Variants in BOC observed in about 807,000 individuals in gnomAD.
The protein encoded by BOC is BOC cell adhesion associated, oncogene regulated.
In BOC, 76 loss-of-function variants were observed where a neutral mutation model predicts 112.0. That is an observed-to-expected ratio of 0.68 (90% confidence interval 0.56 to 0.82). The LOEUF (loss-of-function observed/expected upper bound fraction) is 0.82. Among genes scored for constraint, BOC ranks in the 40% least tolerant of loss-of-function variants. The probability of loss-of-function intolerance (pLI) is 0.00; values close to 1 mark genes in which losing one functional copy is unlikely to be tolerated. For synonymous variants in BOC, 580 were observed against 599.8 expected, an observed-to-expected ratio of 0.97 and a Z score of 0.48; for missense variants, 1,309 against 1,511.7, an observed-to-expected ratio of 0.87 and a Z score of 2.22.
intron 6 of BOC, chr3:113,271,362 C>A: frequency 5.2e-6 from 2 of 386,714 alleles, no homozygotes; most frequent in Middle Eastern, 3.7e-4. Flanking sequence ...CCTGGGCCTG[C>A]ACTCTCTGCA....
At position 113,285,005 on chromosome 3, in the gene BOC, T is replaced by C. The variant is rs781126537; in HGVS notation, c.2966+147T>C. ...CTGACAATCATGCTCCTCTGAACCA[T>C]TGCCCTAATAGGCAGTTGTTGCATT... On this transcript the variant is annotated intron_variant, in intron 18 of 19. Coordinates refer to ENST00000682979, the MANE Select transcript of BOC (RefSeq NM_001378074.1). 100 of 719,222 alleles carry C rather than the reference T, an allele frequency of 1.4e-4. No individual in the cohort carries two copies. The Admixed American group carries it at 1.9e-3, about 14-fold the overall frequency. 44.6% of individuals were successfully genotyped at this position (719,222 alleles called of 1,614,324 possible).
At chr3:113,214,849 A>T (rs553408181) in intron 1 of BOC, among the ~76,000 whole-genome samples, 1 of 152,372 alleles carries the variant, frequency 6.6e-6, no homozygotes, top group South Asian at 2.1e-4. Context: ...TTGTCCCAGG[A>T]AAGTAAGCTT....
Position 113,278,974 on chromosome 3 carries a change from A to G in BOC, c.1816+191A>G. ...GCTGGCATTGATGCTGGGATTGCTC[A>G]CTGGGTGCATCCAGAGAGCAGCAGA... On this transcript the variant is annotated intron_variant, in intron 11 of 19. Coordinates refer to ENST00000682979, the MANE Select transcript of BOC (RefSeq NM_001378074.1). The surrounding 1 kb of genome is among the most constrained non-coding windows in gnomAD (Gnocchi z 4.2). The G allele has an allele frequency of 1.5e-6, 1 of 646,578 alleles. No individual in the cohort carries two copies. Among genetic ancestry groups the G allele is most frequent in the South Asian group, 1.9e-5 (1 of 51,792 alleles). 40.1% of individuals were successfully genotyped at this position (646,578 alleles called of 1,614,324 possible). A position where few individuals can be genotyped will look rare whatever the true frequency, so the allele number is the denominator to read the frequency against.
At chr3:113,230,967 A>G (rs1942517076) in intron 2 of BOC, among the ~76,000 whole-genome samples, 1 of 152,254 alleles carries the variant, frequency 6.6e-6, no homozygotes, top group African/African-American at 2.4e-5. Flanking sequence ...CCCCAAAAAT[A>G]CTTATCCACA....
intron 2 of BOC, among the ~76,000 whole-genome samples, chr3:113,236,282 G>GTATATATATA (rs71706132): frequency 1.5e-5 from 1 of 64,520 alleles, no homozygotes; most frequent in African/African-American, 4.4e-5. Flanking sequence ...ATACCCATGG[G>GTATATATATA]TATATATATA....
At chr3:113,265,457 GAGCTCACAATCACTCAC>G (rs886161738) in intron 4 of BOC, among the ~76,000 whole-genome samples, 1 of 151,948 alleles carries the variant, frequency 6.6e-6, no homozygotes, top group African/African-American at 2.4e-5. Context: ...AGATGCCCCT[GAGCTCACAATCACTCAC>G]AGCTCACAAT....
chr3:113,221,134 C>T (rs1940553289), intron 2 of BOC, among the ~76,000 whole-genome samples: 1 of 152,114 alleles, frequency 6.6e-6, no homozygotes, highest in Non-Finnish European at 1.5e-5. Flanking sequence ...ACACTGAGAA[C>T]CAGTTTCTTA....
intron 4 of BOC, among the ~76,000 whole-genome samples, chr3:113,253,466 C>T (rs553773698): frequency 5.2e-4 from 79 of 151,424 alleles, no homozygotes; most frequent in Non-Finnish European, 5.3e-4. Context: ...CTAGCTGTCT[C>T]GGAGGCGGGA....
At chr3:113,272,826 G>T in intron 7 of BOC, 123 bp downstream of exon 7, 1 of 1,241,590 alleles carries the variant, frequency 8.1e-7, no homozygotes. Context: ...GCTGAGTGAG[G>T]AACAGGCATG....
chr3:113,219,799 C>T (rs904627), intron 2 of BOC, among the ~76,000 whole-genome samples: 34,376 of 152,094 alleles, frequency 0.23, 4,017 homozygotes, highest in East Asian at 0.29. Context: ...TCAGACTTTG[C>T]GGCCAATGGC....
At chr3:113,280,982 A>T (rs747480066) in intron 14 of BOC, 49 bp from the exon 15 acceptor site, 1 of 1,603,056 alleles carries the variant, frequency 6.2e-7, no homozygotes, top group Non-Finnish European at 8.5e-7. Flanking sequence ...TGGGATCAAG[A>T]AAACCATATA....
intron 11 of BOC, among the ~76,000 whole-genome samples, 165 bp from the exon 12 acceptor site, chr3:113,279,084 C>T (rs9837357): frequency 0.027 from 4,115 of 152,216 alleles, 72 homozygotes; most frequent in Middle Eastern, 0.065. Flanking sequence ...CCCAGGCAGC[C>T]GTGGGGAGGT....
At chr3:113,249,692 C>A in intron 2 of BOC, 30 bp from the exon 3 acceptor site, 1 of 854,938 alleles carries the variant, frequency 1.2e-6, no homozygotes, top group Non-Finnish European at 1.8e-6. Context: ...CTCATCATGG[C>A]CATTGCTCTC....
intron 4 of BOC, among the ~76,000 whole-genome samples, chr3:113,264,882 A>T (rs1947297915): frequency 1.3e-5 from 2 of 152,260 alleles, no homozygotes; most frequent in South Asian, 2.1e-4. Context: ...ATTTGTTTTG[A>T]AGCCAGGAAG....
intron 2 of BOC, among the ~76,000 whole-genome samples, chr3:113,235,165 C>T (rs192502552): frequency 6.6e-6 from 1 of 152,342 alleles, no homozygotes; most frequent in East Asian, 1.9e-4. Flanking sequence ...AGGCTTTAAA[C>T]ACTTCCTTTT....
chr3:113,271,111 C>A, intron 6 of BOC, 167 bp downstream of exon 6: 1 of 1,002,304 alleles, frequency 1.0e-6, no homozygotes, highest in Non-Finnish European at 1.5e-6. Flanking sequence ...GGATTCTCTC[C>A]CCTCTGGCCG....
At position 113,272,341 on chromosome 3, in the gene BOC, C is replaced by A. The variant is rs1948205520; in HGVS notation, c.668-69C>A. On this transcript the variant is annotated intron_variant, in intron 6 of 19. Coordinates refer to ENST00000682979, the MANE Select transcript of BOC (RefSeq NM_001378074.1). ...CCATCTCCATGCTCTCTGGGACTGC[C>A]TCCTGGGCATGCTCTACAGGACATC... 11 of 1,541,862 alleles carry A rather than the reference C, an allele frequency of 7.1e-6. No homozygotes were observed. The South Asian group carries it at 9.6e-5, about 13-fold the overall frequency.
intron 4 of BOC, chr3:113,251,506 T>G (rs1490966437): frequency 1.3e-5 from 2 of 153,566 alleles, no homozygotes; most frequent in Non-Finnish European, 2.9e-5. Context: ...CTACCTTTTT[T>G]TTTTCTGGTT....
At chr3:113,236,087 A>G (rs1034676802) in intron 2 of BOC, among the ~76,000 whole-genome samples, 1 of 151,726 alleles carries the variant, frequency 6.6e-6, no homozygotes, top group South Asian at 2.1e-4. Flanking sequence ...AAAGGAAATC[A>G]TTACATAAAA....
Sources: allele counts gnomAD v4.1 joint callset (sites outside exome capture counted in the v4.1 genomes callset), GRCh38; gene constraint gnomAD v4.1.1; non-coding constraint Gnocchi (gnomAD v3.1); transcripts MANE v1.5; gene names NCBI Gene and HGNC (gene_info 2026-07-23, HGNC 2026-07-21).